MPPED2: variants seen among roughly 807,000 people sequenced by gnomAD.
MPPED2 encodes metallophosphoesterase MPPED2.
In MPPED2, 5 loss-of-function variants were observed where a neutral mutation model predicts 33.0. The ratio of observed to expected loss-of-function variants is 0.15; its 90% CI spans 0.08 to 0.32. The LOEUF (loss-of-function observed/expected upper bound fraction) is 0.32, where lower values mean the gene tolerates loss of function less well. Among genes scored for constraint, MPPED2 ranks in the 10% least tolerant of loss-of-function variants. The pLI, the probability that MPPED2 is intolerant of heterozygous loss-of-function variation, is 1.00. For missense variants in MPPED2, 275 were observed against 372.1 expected (o/e 0.74, Z 2.15); for synonymous variants, 136 against 141.9 (o/e 0.96, Z 0.29).
At chr11:30,545,489 A>G (rs988836952) in intron 2 of MPPED2, among the ~76,000 whole-genome samples, 1 of 152,144 alleles carries the variant, frequency 6.6e-6, no homozygotes, top group Non-Finnish European at 1.5e-5. Context: ...TCTTACAGCC[A>G]TCTATACCAC....
At chr11:30,427,520 G>T (rs1948893010) in intron 4 of MPPED2, among the ~76,000 whole-genome samples, 1 of 152,184 alleles carries the variant, frequency 6.6e-6, no homozygotes, top group South Asian at 2.1e-4. Flanking sequence ...TAAACATAAG[G>T]TCAATTGGAA....
At chr11:30,544,045 C>T (rs1166091211) in intron 2 of MPPED2, among the ~76,000 whole-genome samples, 1 of 152,052 alleles carries the variant, frequency 6.6e-6, no homozygotes, top group African/African-American at 2.4e-5. Context: ...ATTTTTTCCT[C>T]TTACAAAAGT....
chr11:30,563,666 G>A (rs1056485521), intron 2 of MPPED2, among the ~76,000 whole-genome samples: 1 of 152,170 alleles, frequency 6.6e-6, no homozygotes, highest in African/African-American at 2.4e-5. Flanking sequence ...TAAAGAGGGT[G>A]GGGAGATTCT....
Position 30,523,304 on chromosome 11 carries a change from G to T in MPPED2, c.310+12690C>A, listed in dbSNP as rs573441501. On this transcript the variant is annotated intron_variant, in intron 3 of 6. Coordinates refer to ENST00000358117, the MANE Select transcript of MPPED2 (RefSeq NM_001584.3). Reference sequence around the variant, plus strand: ...CCTGGAAACAATATACAGGCAGGCTGGGGGGAGGTGGGAAATTAAGATGAA... The same window carrying T: ...CCTGGAAACAATATACAGGCAGGCTTGGGGGAGGTGGGAAATTAAGATGAA... 5.3e-5 allele frequency among the ~76,000 whole-genome samples: 8 copies of T among 152,200 alleles called. No homozygotes were observed. The East Asian group carries it at 1.2e-3, about 22-fold the overall frequency.
At chr11:30,431,896 C>A (rs921036001) in intron 4 of MPPED2, among the ~76,000 whole-genome samples, 1 of 152,070 alleles carries the variant, frequency 6.6e-6, no homozygotes, top group African/African-American at 2.4e-5. Flanking sequence ...TTTTTTCAGC[C>A]GGGCACGGTG....
At chr11:30,458,949 G>A (rs1168214492) in intron 4 of MPPED2, among the ~76,000 whole-genome samples, 1 of 99,260 alleles carries the variant, frequency 1.0e-5, no homozygotes, top group Non-Finnish European at 1.9e-5. Context: ...TTTTTGAGAC[G>A]GAGTCTCGCT....
chr11:30,496,018 A>AGAT (rs1200684872), intron 3 of MPPED2, among the ~76,000 whole-genome samples: 1 of 152,214 alleles, frequency 6.6e-6, no homozygotes, highest in African/African-American at 2.4e-5. Context: ...TAAAGGAACC[A>AGAT]GATAGTATAA....
In MPPED2 at chr11:30,410,895, G is replaced by A. The variant is rs1195751346; in HGVS notation, c.*573C>T. 8.1e-6 allele frequency: 8 copies of A among 985,554 alleles called. No individual in the cohort carries two copies. Among genetic ancestry groups the A allele is most frequent in the Non-Finnish European group, 9.6e-6 (8 of 829,894 alleles). 61.1% of individuals were successfully genotyped at this position (985,554 alleles called of 1,614,324 possible). A position where few individuals can be genotyped will look rare whatever the true frequency, so the allele number is the denominator to read the frequency against. On this transcript the variant is annotated 3_prime_UTR_variant, in exon 7 of 7. Transcript: ENST00000358117. ...TCACTAGTTAAACCATCCTTTAAAT[G>A]ACAGCCATTTTCTTCTCAATGCAGC...
intron 3 of MPPED2, among the ~76,000 whole-genome samples, chr11:30,514,316 A>G (rs1953397433): frequency 6.6e-6 from 1 of 152,180 alleles, no homozygotes; most frequent in South Asian, 2.1e-4. Flanking sequence ...AAAGAGACAT[A>G]CTGGAAGGAA....
At chr11:30,463,865 T>TAC (rs1491058485) in intron 4 of MPPED2, among the ~76,000 whole-genome samples, 33 of 99,966 alleles carry the variant, frequency 3.3e-4, no homozygotes, top group East Asian at 1.5e-3. Context: ...TATATATATA[T>TAC]ACACACACAC....
At chr11:30,413,432 T>A (rs935445855) in intron 6 of MPPED2, among the ~76,000 whole-genome samples, 1 of 152,160 alleles carries the variant, frequency 6.6e-6, no homozygotes, top group African/African-American at 2.4e-5. Flanking sequence ...AAAGAGGGCT[T>A]TGTGTCTGTC....
At chr11:30,545,052 T>C (rs184104284) in intron 2 of MPPED2, among the ~76,000 whole-genome samples, 15 of 152,212 alleles carry the variant, frequency 9.9e-5, no homozygotes, top group Admixed American at 8.5e-4. Flanking sequence ...ACTATGAAGG[T>C]GAGCAGAAGA....
chr11:30,573,928 A>C (rs1232825566), intron 2 of MPPED2, among the ~76,000 whole-genome samples: 1 of 152,192 alleles, frequency 6.6e-6, no homozygotes, highest in African/African-American at 2.4e-5. Context: ...GAAAGAAAAC[A>C]TTTTTGTACA....
chr11:30,409,269 T>G (rs1421179928), downstream of MPPED2, among the ~76,000 whole-genome samples: 1 of 152,014 alleles, frequency 6.6e-6, no homozygotes, highest in Non-Finnish European at 1.5e-5. Flanking sequence ...TCCAACCCCC[T>G]AGGATGGGGC....
chr11:30,432,985 A>C (rs535958366), intron 4 of MPPED2, among the ~76,000 whole-genome samples: 1 of 152,222 alleles, frequency 6.6e-6, no homozygotes, highest in African/African-American at 2.4e-5. Flanking sequence ...TTTTGATACT[A>C]GGCACATGTT....
At chr11:30,571,517 G>A (rs546715089) in intron 2 of MPPED2, among the ~76,000 whole-genome samples, 1 of 152,230 alleles carries the variant, frequency 6.6e-6, no homozygotes, top group Admixed American at 6.5e-5. Context: ...GACCAAGATG[G>A]TGGTCTGCAA....
intron 4 of MPPED2, among the ~76,000 whole-genome samples, chr11:30,474,084 T>C (rs1039392057): frequency 2.6e-5 from 4 of 152,230 alleles, no homozygotes; most frequent in African/African-American, 9.6e-5. Context: ...TTTAAGAAGC[T>C]GCATTTTGTG....
intron 6 of MPPED2, among the ~76,000 whole-genome samples, chr11:30,392,375 T>C (rs923562068): frequency 6.6e-6 from 1 of 152,228 alleles, no homozygotes; most frequent in Non-Finnish European, 1.5e-5. Flanking sequence ...TACTAAAGGC[T>C]GTGAGTTTTT....
chr11:30,584,653 G>C (rs1957371457), intron 1 of MPPED2: 1 of 152,366 alleles, frequency 6.6e-6, no homozygotes, highest in African/African-American at 2.4e-5. Flanking sequence ...ATCCTCGGTC[G>C]GGCATCACAG....
Sources: gnomAD v4.1 joint callset for allele counts (sites outside exome capture counted in the v4.1 genomes callset) on GRCh38, gnomAD v4.1.1 for gene constraint, MANE v1.5 for transcripts, NCBI Gene and HGNC (gene_info 2026-07-23, HGNC 2026-07-21) for gene names.